GEMIN5: variants seen among roughly 807,000 people sequenced by gnomAD.
GEMIN5 encodes gem nuclear organelle associated protein 5, also known as gem-associated protein 5.
In GEMIN5, 124 loss-of-function variants were observed where a neutral mutation model predicts 176.9. The observed-to-expected ratio is 0.70, with a 90% confidence interval of 0.61 to 0.81. GEMIN5 has a LOEUF of 0.81. Among genes scored for constraint, GEMIN5 ranks in the 40% least tolerant of loss-of-function variants. The pLI is 0.00. For missense variants in GEMIN5, 1,843 were observed against 1,814.6 expected (o/e 1.02, Z -0.28); for synonymous variants, 673 against 665.2 (o/e 1.01, Z -0.18).
Position 154,902,689 on chromosome 5 carries a change from G to A in GEMIN5, c.2729-13C>T. On this transcript the variant is annotated splice_polypyrimidine_tract_variant and intron_variant, in intron 19 of 27. Coordinates refer to ENST00000285873, the MANE Select transcript of GEMIN5 (RefSeq NM_015465.5). ...AAGTGACCTTTTCCTGTTTGAAAGA[G>A]AGATAATGTTTGGAAGGTGTTTCAG... 1 of 1,612,668 alleles carries A rather than the reference G, an allele frequency of 6.2e-7. No homozygotes were observed. Among genetic ancestry groups the A allele is most frequent in the South Asian group, 1.1e-5 (1 of 90,868 alleles).
intron 16 of GEMIN5, among the ~76,000 whole-genome samples, chr5:154,907,349 T>G (rs1014432222): frequency 6.6e-6 from 1 of 152,078 alleles, no homozygotes; most frequent in Non-Finnish European, 1.5e-5. Flanking sequence ...CTTGCCCAAG[T>G]TGAATAAGAA....
At chr5:154,912,816 C>T in intron 14 of GEMIN5, 83 bp downstream of exon 14, 4 of 1,198,790 alleles carry the variant, frequency 3.3e-6, no homozygotes, top group Non-Finnish European at 4.7e-6. Context: ...GGAGGGGGAA[C>T]CTGTTCACAA....
chr5:154,922,350 G>C (rs2113498430), intron 9 of GEMIN5, among the ~76,000 whole-genome samples: 1 of 152,218 alleles, frequency 6.6e-6, no homozygotes, highest in Non-Finnish European at 1.5e-5. Context: ...TGTACTTTTA[G>C]TAGAGATGGG....
chr5:154,916,666 T>C lies in GEMIN5; in HGVS notation c.1855+332A>G, dbSNP rs116337360. On this transcript the variant is annotated intron_variant, in intron 13 of 27. Coordinates refer to ENST00000285873, the MANE Select transcript of GEMIN5 (RefSeq NM_015465.5). ...CTAACCCGGCAAATTTGTTTTTTATTTTCAATTTTTTGTAGAGACGGAGCC... is the reference window on the plus strand; with the variant it reads ...CTAACCCGGCAAATTTGTTTTTTATCTTCAATTTTTTGTAGAGACGGAGCC... 5.2e-3 allele frequency among the ~76,000 whole-genome samples: 785 copies of C among 152,150 alleles called. 5 individuals are homozygous for C. Among genetic ancestry groups the C allele is most frequent in the African/African-American group, 0.018 (736 of 41,510 alleles).
At chr5:154,926,163 A>C in intron 7 of GEMIN5, 89 bp from the exon 8 acceptor site, 1 of 774,382 alleles carries the variant, frequency 1.3e-6, no homozygotes, top group Non-Finnish European at 2.2e-6. Context: ...ATAGGCTCAA[A>C]GACTGGGTAA....
intron 26 of GEMIN5, among the ~76,000 whole-genome samples, chr5:154,890,143 G>A (rs945135489): frequency 6.6e-6 from 1 of 152,184 alleles, no homozygotes; most frequent in Non-Finnish European, 1.5e-5. Context: ...CTGTTTCTCT[G>A]ATAGTAGCCT....
intron 5 of GEMIN5, among the ~76,000 whole-genome samples, chr5:154,930,319 T>C (rs948037181): frequency 2.0e-5 from 3 of 152,234 alleles, no homozygotes; most frequent in Middle Eastern, 6.3e-3. Context: ...GTTGTCCAAG[T>C]GTGCGCTCAC....
At chr5:154,914,100 A>G (rs1763764875) in intron 13 of GEMIN5, among the ~76,000 whole-genome samples, 1 of 151,756 alleles carries the variant, frequency 6.6e-6, no homozygotes, top group South Asian at 2.1e-4. Context: ...GGCTCAATGC[A>G]ACCTCTGCCT....
intron 16 of GEMIN5, among the ~76,000 whole-genome samples, chr5:154,907,068 G>A (rs1285745026): frequency 1.3e-5 from 2 of 152,120 alleles, no homozygotes; most frequent in Non-Finnish European, 2.9e-5. Flanking sequence ...ACATCTGAGA[G>A]CCATCACTAC....
chr5:154,897,093 TG>T (rs1305756103), intron 23 of GEMIN5, among the ~76,000 whole-genome samples: 1 of 152,246 alleles, frequency 6.6e-6, no homozygotes, highest in Non-Finnish European at 1.5e-5. Context: ...CTTTTTTTGA[TG>T]GTGGATAAAT....
At position 154,899,317 on chromosome 5, in the gene GEMIN5, G is replaced by A. The variant is rs763543484; in HGVS notation, c.3015-7C>T. The stretch of plus-strand genomic sequence containing the variant: ...GGCAATCGCAATAGCTTCCCTAAAG[G>A]CAAGAACAGACCCTTTAGCCAATCT... On this transcript the variant is annotated splice_polypyrimidine_tract_variant and splice_region_variant and intron_variant, in intron 21 of 27. Transcript: ENST00000285873. The A allele has an allele frequency of 6.2e-7, 1 of 1,608,752 alleles. No homozygotes were observed. The highest frequency in any genetic ancestry group is 1.1e-5 in the South Asian group (1 of 89,732).
chr5:154,899,442 A>G, intron 21 of GEMIN5, 132 bp from the exon 22 acceptor site: 4 of 676,430 alleles, frequency 5.9e-6, no homozygotes, highest in Non-Finnish European at 7.1e-6. Context: ...TAAAAACTGC[A>G]CTTGCATTAT....
chr5:154,905,993 CTTT>C (rs558096485), intron 16 of GEMIN5, among the ~76,000 whole-genome samples: 1 of 146,240 alleles, frequency 6.8e-6, no homozygotes, highest in Non-Finnish European at 1.5e-5. Flanking sequence ...TCCTGGCTTA[CTTT>C]TTTTTTTTTC....
Position 154,904,605 on chromosome 5 carries a change from G to A in GEMIN5, c.2534C>T (p.Ala845Val), listed in dbSNP as rs747023008. ...TGTACTCAGGGGAAGCAAGGAACGA[G>A]CTTTTCTCTTCTTGATTAAGGTTTC... ...KPETLIKKRK[A>V]RSLLPLSTSL... The change falls in exon 18 of 28, where the codon GCT becomes GTT. Residue 845 changes from alanine to valine, a missense_variant. Coordinates refer to ENST00000285873, the MANE Select transcript of GEMIN5 (RefSeq NM_015465.5). The A allele has an allele frequency of 2.5e-6, 4 of 1,611,276 alleles. No homozygotes were observed. The African/African-American group carries it at 5.3e-5, about 22-fold the overall frequency.
At chr5:154,901,105 C>T (rs760885717) in intron 21 of GEMIN5, among the ~76,000 whole-genome samples, 3 of 152,116 alleles carry the variant, frequency 2.0e-5, no homozygotes, top group Non-Finnish European at 2.9e-5. Context: ...GCACGAGGAT[C>T]GCTTGAGCCC....
rs1016364893 is a variant in GEMIN5 at position 154,898,613 on chromosome 5, C to CT, written c.3171dup (p.Val1058SerfsTer12). 9 of 1,613,998 alleles carry CT rather than the reference C, an allele frequency of 5.6e-6. No homozygotes were observed. The Admixed American group carries it at 1.0e-4, about 18-fold the overall frequency. ...GCCGCATCCCCCTTTTTGGCCAAAA[C>CT]TTTGGCTGCATCATAAGCACAAGTG... On this transcript the variant is annotated frameshift_variant, in exon 23 of 28. Transcript: ENST00000285873. LOFTEE classifies it high-confidence loss of function.
At chr5:154,913,649 TA>T (rs1007977244) in intron 13 of GEMIN5, among the ~76,000 whole-genome samples, 20 of 148,074 alleles carry the variant, frequency 1.4e-4, no homozygotes, top group East Asian at 2.0e-4. Flanking sequence ...ACCCTGACTC[TA>T]AAAAAAAAAT....
rs537739710 is a variant in GEMIN5 at position 154,899,592 on chromosome 5, C to T, written c.3015-282G>A. ...GGTTAAAACTATTTTCGTAACAATGCTAAGAGTCAGTTATGTGCTTTTTTA... is the reference window on the plus strand; with the variant it reads ...GGTTAAAACTATTTTCGTAACAATGTTAAGAGTCAGTTATGTGCTTTTTTA... On this transcript the variant is annotated intron_variant, in intron 21 of 27. Transcript: ENST00000285873. 4.8e-5 allele frequency among the ~76,000 whole-genome samples: 7 copies of T among 147,324 alleles called. No individual in the cohort carries two copies. The South Asian group carries it at 1.3e-3, about 28-fold the overall frequency.
chr5:154,913,142 C>A, intron 13 of GEMIN5, 104 bp from the exon 14 acceptor site: 1 of 993,512 alleles, frequency 1.0e-6, no homozygotes, highest in Non-Finnish European at 1.5e-6. Flanking sequence ...AAGATTTTGC[C>A]ATACACTTTC....
Sources: gnomAD v4.1 joint callset for allele counts (sites outside exome capture counted in the v4.1 genomes callset) on GRCh38, gnomAD v4.1.1 for gene constraint, MANE v1.5 for transcripts, NCBI Gene and HGNC (gene_info 2026-07-23, HGNC 2026-07-21) for gene names.